The following STAG1 variants were observed in gnomAD, a reference collection of about 807,000 sequenced individuals.
STAG1 encodes the protein STAG1 cohesin complex component.
STAG1 carries 26 observed loss-of-function variants against 170.9 expected under a neutral mutation model. The ratio of observed to expected loss-of-function variants is 0.15; its 90% confidence interval spans 0.11 to 0.21. STAG1 has a LOEUF of 0.21. STAG1 is among the 10% of genes least tolerant of loss of function. STAG1 has a pLI of 1.00. For missense variants in STAG1, 964 were observed against 1,509.5 expected (o/e 0.64, Z 5.99); for synonymous variants, 514 against 497.7 (o/e 1.03, Z -0.44).
At chr3:136,457,095 G>T (rs527432885) in intron 13 of STAG1, among the ~76,000 whole-genome samples, 1 of 152,260 alleles carries the variant, frequency 6.6e-6, no homozygotes, top group South Asian at 2.1e-4. Flanking sequence ...ATATAAAAGA[G>T]TCTTGGAAAA....
rs375805966 is a variant in STAG1, at chr3:136,669,084, G to GT, written c.-83-38104dup. On this transcript the variant is annotated intron_variant, in intron 1 of 33. Coordinates refer to ENST00000383202, the MANE Select transcript of STAG1 (RefSeq NM_005862.3). Reference sequence around the variant, plus strand: ...CAACCGCAACAGCTCTAGTTTTGTTGTATTTACTCCATTTCTCTGTAAGAT... The same window carrying GT: ...CAACCGCAACAGCTCTAGTTTTGTTGTTATTTACTCCATTTCTCTGTAAGAT... Among the ~76,000 whole-genome samples, 194 of 152,224 alleles carry GT rather than the reference G, an allele frequency of 1.3e-3. 1 individual carries two copies. Among genetic ancestry groups the GT allele is most frequent in the African/African-American group, 4.3e-3 (179 of 41,554 alleles).
intron 7 of STAG1, among the ~76,000 whole-genome samples, chr3:136,503,376 C>T (rs1933584362): frequency 6.6e-6 from 1 of 152,180 alleles, no homozygotes; most frequent in Admixed American, 6.5e-5. Flanking sequence ...TCCTCCCCAG[C>T]CACAGTGATA....
intron 14 of STAG1, among the ~76,000 whole-genome samples, chr3:136,443,674 T>C (rs1478603290): frequency 6.6e-6 from 1 of 152,186 alleles, no homozygotes; most frequent in African/African-American, 2.4e-5. Flanking sequence ...AGAGCATAGC[T>C]AGTTAGAAAA....
intron 15 of STAG1, among the ~76,000 whole-genome samples, chr3:136,436,281 G>T (rs897089508): frequency 4.0e-5 from 6 of 151,366 alleles, no homozygotes; most frequent in Non-Finnish European, 7.4e-5. Context: ...TTTAAACTCA[G>T]ATATTTTTGG....
Position 136,364,185 on chromosome 3 carries a change from C to A in STAG1, c.2686-718G>T, listed in dbSNP as rs369280146. ...ACAACCTCTGCCTCCTGGGTTCAAG[C>A]AATTCTCCCACCTCAGCCTCCCAAG... On this transcript the variant is annotated intron_variant, in intron 25 of 33. Coordinates refer to ENST00000383202, the MANE Select transcript of STAG1 (RefSeq NM_005862.3). 2.6e-4 allele frequency among the ~76,000 whole-genome samples: 40 copies of A among 151,406 alleles called. 1 individual carries two copies. Among genetic ancestry groups the A allele is most frequent in the African/African-American group, 9.7e-4 (40 of 41,138 alleles).
chr3:136,644,994 T>C (rs1940950964), intron 1 of STAG1, among the ~76,000 whole-genome samples: 1 of 152,298 alleles, frequency 6.6e-6, no homozygotes, highest in South Asian at 2.1e-4. Context: ...TCTCCCGAAG[T>C]GCTGGGATTA....
chr3:136,378,594 T>C (rs972161548), intron 22 of STAG1, among the ~76,000 whole-genome samples: 1 of 152,110 alleles, frequency 6.6e-6, no homozygotes, highest in African/African-American at 2.4e-5. Context: ...CTTGAGCCCA[T>C]GGGATCAAGG....
At chr3:136,661,489 T>C (rs1286468954) in intron 1 of STAG1, among the ~76,000 whole-genome samples, 1 of 152,126 alleles carries the variant, frequency 6.6e-6, no homozygotes, top group Non-Finnish European at 1.5e-5. Flanking sequence ...AAGGGAAAAA[T>C]AATACTGCCT....
At chr3:136,363,501 A>G in intron 25 of STAG1, 34 bp from the exon 26 acceptor site, 1 of 936,522 alleles carries the variant, frequency 1.1e-6, no homozygotes, top group Non-Finnish European at 1.6e-6. Context: ...TGGCTTTAAA[A>G]TTACTGACAT....
chr3:136,617,700 G>A (rs1939661836), intron 3 of STAG1, among the ~76,000 whole-genome samples: 1 of 152,186 alleles, frequency 6.6e-6, no homozygotes, highest in Non-Finnish European at 1.5e-5. Context: ...GTTGAGAGGA[G>A]CCAGAAAAAA....
intron 2 of STAG1, among the ~76,000 whole-genome samples, chr3:136,628,518 C>T (rs1940201160): frequency 6.6e-6 from 1 of 152,104 alleles, no homozygotes; most frequent in Admixed American, 6.6e-5. Context: ...TCGCAGGGTC[C>T]TTGCATGACA....
chr3:136,458,161 GTTTGT>G lies in STAG1; in HGVS notation c.1314-6019_1314-6015del, dbSNP rs368643497. Among the ~76,000 whole-genome samples, 1,043 of 151,692 alleles carry G rather than the reference GTTTGT, an allele frequency of 6.9e-3. 11 individuals are homozygous for G. Among genetic ancestry groups the G allele is most frequent in the African/African-American group, 0.021 (886 of 41,262 alleles). On this transcript the variant is annotated intron_variant, in intron 13 of 33. Transcript: ENST00000383202. ...TGTTTTTTTTCTGTTTTGTTTGTTT[GTTTGT>G]TTTGTTTTGAGAGTGAGTCTTGCTC...
chr3:136,468,348 A>G (rs2089529342), intron 12 of STAG1, among the ~76,000 whole-genome samples: 2 of 152,234 alleles, frequency 1.3e-5, no homozygotes, highest in Non-Finnish European at 2.9e-5. Flanking sequence ...CCACAGAAAT[A>G]CAAACTACCA....
At chr3:136,590,805 T>C (rs1361896656) in intron 4 of STAG1, among the ~76,000 whole-genome samples, 1 of 152,128 alleles carries the variant, frequency 6.6e-6, no homozygotes, top group East Asian at 1.9e-4. Context: ...AATCTGAAAA[T>C]TTCTGAGGAT....
At chr3:136,488,175 T>G (rs913716159) in intron 9 of STAG1, among the ~76,000 whole-genome samples, 3 of 152,258 alleles carry the variant, frequency 2.0e-5, no homozygotes, top group African/African-American at 7.2e-5. Context: ...CAGGTTGGAG[T>G]GCAGTGGCAT....
chr3:136,672,008 G>A (rs1941993939), intron 1 of STAG1, among the ~76,000 whole-genome samples: 1 of 152,214 alleles, frequency 6.6e-6, no homozygotes, highest in South Asian at 2.1e-4. Flanking sequence ...TTTCACTGCT[G>A]AAGTATGAAC....
In STAG1 at chr3:136,473,730, T is replaced by C. The variant is rs1024648018; in HGVS notation, c.1027-93A>G. On this transcript the variant is annotated intron_variant, in intron 10 of 33. Coordinates refer to ENST00000383202, the MANE Select transcript of STAG1 (RefSeq NM_005862.3). ...GAAGACTAAAATTTAGCTTAAACAT[T>C]TGACTTACTGCATATTGTAATTCAA... The C allele has an allele frequency of 1.2e-5, 10 of 858,340 alleles. No individual in the cohort carries two copies. In the Admixed American group the frequency reaches 1.8e-4, roughly 16 times the overall value. 53.2% of individuals were successfully genotyped at this position (858,340 alleles called of 1,614,324 possible).
intron 5 of STAG1, among the ~76,000 whole-genome samples, chr3:136,565,760 A>C (rs1393298612): frequency 6.6e-6 from 1 of 152,244 alleles, no homozygotes; most frequent in African/African-American, 2.4e-5. Flanking sequence ...CACAATAGTC[A>C]AAAGGTGGAA....
At chr3:136,371,990 A>G (rs1437156989) in intron 23 of STAG1, among the ~76,000 whole-genome samples, 9 of 152,202 alleles carry the variant, frequency 5.9e-5, no homozygotes, top group Admixed American at 1.3e-4. Flanking sequence ...ACCCATGAGC[A>G]TGGAATGTTC....
Sources: allele counts gnomAD v4.1 joint callset (sites outside exome capture counted in the v4.1 genomes callset), GRCh38; gene constraint gnomAD v4.1.1; transcripts MANE v1.5; gene names NCBI Gene and HGNC (gene_info 2026-07-23, HGNC 2026-07-21).